Variants in GAREM1 observed in about 807,000 individuals in gnomAD.
GAREM1 encodes the protein GRB2-associated and regulator of MAPK protein 1.
A neutral mutation model predicts 71.3 loss-of-function variants in GAREM1; 26 were observed. The ratio of observed to expected loss-of-function variants is 0.36; its 90% confidence interval spans 0.27 to 0.51. GAREM1 has a LOEUF of 0.51. Among genes scored for constraint, GAREM1 ranks in the 20% least tolerant of loss-of-function variants. The pLI is 0.95. For synonymous variants in GAREM1, 440 were observed against 433.2 expected (o/e 1.02, Z -0.20); for missense variants, 1,026 against 1,103.1 (o/e 0.93, Z 0.99).
At chr18:32,280,869 C>T (rs1284753651) in intron 4 of GAREM1, among the ~76,000 whole-genome samples, 1 of 152,086 alleles carries the variant, frequency 6.6e-6, no homozygotes, top group Non-Finnish European at 1.5e-5. Flanking sequence ...TATGTCCACT[C>T]CCACCCACCT....
intron 2 of GAREM1, among the ~76,000 whole-genome samples, chr18:32,364,018 A>ATGTT (rs1598991444): frequency 4.1e-5 from 2 of 48,228 alleles, no homozygotes; most frequent in African/African-American, 1.5e-4. Context: ...ATATATATAT[A>ATGTT]TATATATATG....
At chr18:32,469,866 T>C (rs563785676) in intron 1 of GAREM1, among the ~76,000 whole-genome samples, 15 of 152,148 alleles carry the variant, frequency 9.9e-5, no homozygotes, top group Non-Finnish European at 1.9e-4. Flanking sequence ...AGCTTTTCCT[T>C]TAAATCTGTT....
intron 1 of GAREM1, among the ~76,000 whole-genome samples, chr18:32,430,307 G>T (rs958552428): frequency 6.6e-6 from 1 of 152,184 alleles, no homozygotes; most frequent in Non-Finnish European, 1.5e-5. Context: ...CAGGCATGAA[G>T]GGAGCTGTCC....
chr18:32,373,175 A>G (rs1027776457), intron 2 of GAREM1, among the ~76,000 whole-genome samples: 1 of 152,066 alleles, frequency 6.6e-6, no homozygotes, highest in Non-Finnish European at 1.5e-5. Context: ...CTAAATAGTC[A>G]AACAGTCTAG....
At chr18:32,334,191 A>G (rs2047565986) in intron 2 of GAREM1, among the ~76,000 whole-genome samples, 1 of 152,196 alleles carries the variant, frequency 6.6e-6, no homozygotes, top group Admixed American at 6.5e-5. Context: ...AGAAAAATCT[A>G]TAGGAGAAGA....
chr18:32,449,911 G>C (rs1158463161), intron 1 of GAREM1, among the ~76,000 whole-genome samples: 1 of 152,082 alleles, frequency 6.6e-6, no homozygotes, highest in Non-Finnish European at 1.5e-5. Context: ...AGCTTAAAAG[G>C]TGAATAATTT....
At chr18:32,404,445 T>C (rs1352852545) in intron 1 of GAREM1, among the ~76,000 whole-genome samples, 1 of 146,026 alleles carries the variant, frequency 6.8e-6, no homozygotes, top group Non-Finnish European at 1.5e-5. Flanking sequence ...TCCATTCTTA[T>C]GTTGCACAAA....
At chr18:32,427,506 T>C (rs978396316) in intron 1 of GAREM1, among the ~76,000 whole-genome samples, 5 of 152,220 alleles carry the variant, frequency 3.3e-5, no homozygotes, top group South Asian at 2.1e-4. Context: ...ATGGTGATGT[T>C]TGAGGGAGCT....
At chr18:32,302,058 C>A (rs1032312484) in intron 3 of GAREM1, among the ~76,000 whole-genome samples, 1 of 152,128 alleles carries the variant, frequency 6.6e-6, no homozygotes, top group Non-Finnish European at 1.5e-5. Context: ...ATGAATTAAA[C>A]TATACAAGCT....
At position 32,397,956 on chromosome 18, in the gene GAREM1, C is replaced by T. The variant is rs533056881; in HGVS notation, c.122-4921G>A. Among the ~76,000 whole-genome samples, 9 of 152,290 alleles carry T rather than the reference C, an allele frequency of 5.9e-5. No homozygotes were observed. The East Asian group carries it at 9.7e-4, about 16-fold the overall frequency. ...AAATGTAAAAGAACAGAAATTATAA[C>T]GAACTGTCTCTCAGACCACAATGCA... is the stretch of plus-strand genomic sequence containing the variant. On this transcript the variant is annotated intron_variant, in intron 1 of 5. Coordinates refer to ENST00000269209, the MANE Select transcript of GAREM1 (RefSeq NM_001242409.2).
At chr18:32,456,056 G>A (rs1241434924) in intron 1 of GAREM1, among the ~76,000 whole-genome samples, 1 of 152,094 alleles carries the variant, frequency 6.6e-6, no homozygotes, top group Non-Finnish European at 1.5e-5. Flanking sequence ...CAAAATCTTA[G>A]AGACTACATG....
At chr18:32,333,110 A>AT (rs2047553592) in intron 2 of GAREM1, among the ~76,000 whole-genome samples, 1 of 149,440 alleles carries the variant, frequency 6.7e-6, no homozygotes, top group Non-Finnish European at 1.5e-5. Flanking sequence ...CCTACAGGAG[A>AT]TGACAGGGAA....
At chr18:32,268,865 G>C in intron 5 of GAREM1, 97 bp from the exon 6 acceptor site, 1 of 1,009,960 alleles carries the variant, frequency 9.9e-7, no homozygotes, top group Non-Finnish European at 1.4e-6. Flanking sequence ...GTAGAAAAGC[G>C]CAGTTAGTTT....
intron 3 of GAREM1, among the ~76,000 whole-genome samples, chr18:32,307,440 T>C (rs1191868750): frequency 6.6e-6 from 1 of 152,200 alleles, no homozygotes; most frequent in Non-Finnish European, 1.5e-5. Context: ...TTTTCCCACC[T>C]TCTCCATGAG....
At chr18:32,469,054 CCTA>C (rs1417127719) in intron 1 of GAREM1, among the ~76,000 whole-genome samples, 1 of 150,366 alleles carries the variant, frequency 6.7e-6, no homozygotes, top group Non-Finnish European at 1.5e-5. Context: ...CCCAATGCAC[CCTA>C]CTACTACCAA....
intron 2 of GAREM1, among the ~76,000 whole-genome samples, chr18:32,373,262 T>A (rs941181456): frequency 6.6e-5 from 10 of 152,150 alleles, no homozygotes; most frequent in Non-Finnish European, 1.2e-4. Context: ...AAAACTCAAC[T>A]CTTTCTGAAT....
Position 32,377,321 on chromosome 18 carries a change from C to T in GAREM1, c.262+15574G>A, listed in dbSNP as rs918091728. On this transcript the variant is annotated intron_variant, in intron 2 of 5. Transcript: ENST00000269209. ...GAAGAAGGGGATGAACTTGAGTCTC[C>T]GCCAGGCATCACAGAGAACGTGTTC... 6.6e-5 allele frequency among the ~76,000 whole-genome samples: 10 copies of T among 152,228 alleles called. No homozygotes were observed. In the Middle Eastern group the frequency reaches 0.014, roughly 207 times the overall value.
chr18:32,317,766 G>A (rs2047394397), intron 2 of GAREM1, among the ~76,000 whole-genome samples: 1 of 150,060 alleles, frequency 6.7e-6, no homozygotes, highest in Non-Finnish European at 1.5e-5. Flanking sequence ...GAAAAATGCT[G>A]AGTATTACTA....
chr18:32,286,124 G>A (rs1021723467), intron 4 of GAREM1, among the ~76,000 whole-genome samples: 1 of 152,134 alleles, frequency 6.6e-6, no homozygotes, highest in African/African-American at 2.4e-5. Context: ...CTCCCTCAGG[G>A]ATAATGAAAT....
Sources: gnomAD v4.1 joint callset for allele counts (sites outside exome capture counted in the v4.1 genomes callset) on GRCh38, gnomAD v4.1.1 for gene constraint, MANE v1.5 for transcripts, NCBI Gene and HGNC (gene_info 2026-07-23, HGNC 2026-07-21) for gene names.